Variants in AGBL4 observed in about 807,000 individuals in gnomAD.
AGBL4 encodes AGBL carboxypeptidase 4.
A neutral mutation model predicts 66.4 loss-of-function variants in AGBL4; 58 were observed. That is an observed-to-expected ratio of 0.87 (90% CI 0.71 to 1.09). The LOEUF (loss-of-function observed/expected upper bound fraction) is 1.09, where lower values mean the gene tolerates loss of function less well. AGBL4 is among the 50% of genes least tolerant of loss of function. The pLI is 0.00. For synonymous variants in AGBL4, 234 were observed against 222.9 expected (o/e 1.05, Z -0.44); for missense variants, 579 against 631.0 (o/e 0.92, Z 0.88).
chr1:49,250,254 G>A (rs994941976), intron 3 of AGBL4, among the ~76,000 whole-genome samples: 1 of 152,098 alleles, frequency 6.6e-6, no homozygotes, highest in Non-Finnish European at 1.5e-5. Context: ...AGAAATGTTT[G>A]AGGGAGAGGG....
At chr1:48,524,899 T>G in the AGBL4 span, among the ~76,000 whole-genome samples, 1 of 151,690 alleles carries the variant, frequency 6.6e-6, no homozygotes, top group South Asian at 2.1e-4. Context: ...GCCTAAAGTC[T>G]CACAACTTCC....
chr1:48,857,366 A>AT (rs1647199901), intron 6 of AGBL4, among the ~76,000 whole-genome samples: 2 of 152,234 alleles, frequency 1.3e-5, no homozygotes, highest in African/African-American at 2.4e-5. Context: ...ATATAAACAC[A>AT]TTAACTCAAA....
intron 6 of AGBL4, among the ~76,000 whole-genome samples, chr1:48,807,202 T>C (rs1040681425): frequency 6.6e-6 from 1 of 152,240 alleles, no homozygotes; most frequent in African/African-American, 2.4e-5. Flanking sequence ...GCCCATTAGA[T>C]TGTGGTACCT....
intron 1 of AGBL4, among the ~76,000 whole-genome samples, chr1:49,934,054 G>A (rs554852412): frequency 6.6e-6 from 1 of 152,048 alleles, no homozygotes; most frequent in Non-Finnish European, 1.5e-5. Flanking sequence ...GGCTGAAAAT[G>A]AAGGCATAAA....
intron 6 of AGBL4, chr1:48,761,276 T>C (rs1644243321): frequency 2.7e-6 from 4 of 1,482,846 alleles, no homozygotes; most frequent in East Asian, 5.0e-5. Context: ...TGAAACTCTT[T>C]AGCTACGAGA....
intron 1 of AGBL4, among the ~76,000 whole-genome samples, chr1:49,880,848 G>C (rs563847340): frequency 6.6e-6 from 1 of 152,156 alleles, no homozygotes; most frequent in East Asian, 1.9e-4. Flanking sequence ...CCAGGTGTGG[G>C]ATATAGTCTC....
At chr1:48,915,340 T>C (rs1367279252) in intron 5 of AGBL4, among the ~76,000 whole-genome samples, 1 of 152,358 alleles carries the variant, frequency 6.6e-6, no homozygotes, top group East Asian at 1.9e-4. Flanking sequence ...CCAGCTCAAA[T>C]GCCACTGTCT....
intron 5 of AGBL4, among the ~76,000 whole-genome samples, chr1:48,876,535 T>G (rs1401775704): frequency 6.6e-6 from 1 of 152,118 alleles, no homozygotes; most frequent in African/African-American, 2.4e-5. Context: ...GTATTTCAAG[T>G]GACAGTAGGT....
chr1:48,915,807 G>A (rs1019938557), intron 5 of AGBL4, among the ~76,000 whole-genome samples: 5 of 152,114 alleles, frequency 3.3e-5, no homozygotes, highest in African/African-American at 1.2e-4. Flanking sequence ...CAAGAGGGAA[G>A]GTCTCCCAGG....
intron 3 of AGBL4, among the ~76,000 whole-genome samples, chr1:49,249,715 C>T (rs1651902967): frequency 6.6e-6 from 1 of 152,172 alleles, no homozygotes; most frequent in African/African-American, 2.4e-5. Context: ...AATCTCATCA[C>T]TGGGCATTTA....
chr1:49,540,254 T>C (rs1381860610), intron 3 of AGBL4, among the ~76,000 whole-genome samples: 1 of 152,240 alleles, frequency 6.6e-6, no homozygotes, highest in Admixed American at 6.5e-5. Context: ...AATCTTTAAA[T>C]ATATCTTATC....
chr1:48,812,192 T>A (rs1646067677), intron 6 of AGBL4, among the ~76,000 whole-genome samples: 1 of 152,166 alleles, frequency 6.6e-6, no homozygotes, highest in South Asian at 2.1e-4. Flanking sequence ...CCAAGAGGCA[T>A]ATTTCTCAAG....
intron 1 of AGBL4, among the ~76,000 whole-genome samples, chr1:49,916,157 A>T (rs1343632999): frequency 6.6e-6 from 1 of 152,188 alleles, no homozygotes; most frequent in Non-Finnish European, 1.5e-5. Context: ...AAAAGCTGAA[A>T]ATTCTAAAAA....
At chr1:49,487,357 C>T (rs1466792446) in intron 3 of AGBL4, among the ~76,000 whole-genome samples, 1 of 151,904 alleles carries the variant, frequency 6.6e-6, no homozygotes, top group Admixed American at 6.6e-5. Context: ...AAGTTTTGCT[C>T]TGTGTCCCCA....
chr1:49,257,237 T>C (rs938235195), intron 3 of AGBL4, among the ~76,000 whole-genome samples: 14 of 152,224 alleles, frequency 9.2e-5, no homozygotes, highest in Non-Finnish European at 1.5e-4. Context: ...CAAAGGTTAC[T>C]GCTGTCTTTT....
intron 3 of AGBL4, among the ~76,000 whole-genome samples, chr1:49,618,593 G>C (rs1645295957): frequency 6.6e-6 from 1 of 152,166 alleles, no homozygotes; most frequent in Non-Finnish European, 1.5e-5. Flanking sequence ...TAGAAAAAGA[G>C]GGATTCCTCC....
At chr1:49,816,503 T>C (rs1176662753) in intron 2 of AGBL4, among the ~76,000 whole-genome samples, 1 of 152,140 alleles carries the variant, frequency 6.6e-6, no homozygotes, top group Non-Finnish European at 1.5e-5. Context: ...AAATGAAAAG[T>C]AGATATGAGT....
At chr1:49,402,857 G>A (rs1234914064) in intron 3 of AGBL4, among the ~76,000 whole-genome samples, 1 of 152,148 alleles carries the variant, frequency 6.6e-6, no homozygotes, top group Non-Finnish European at 1.5e-5. Flanking sequence ...ATGAGCCACT[G>A]CACCCAGCCA....
At chr1:48,629,985 C>T (rs889847719) in intron 9 of AGBL4, among the ~76,000 whole-genome samples, 2 of 152,192 alleles carry the variant, frequency 1.3e-5, no homozygotes, top group African/African-American at 4.8e-5. Context: ...ATCCTGAGCA[C>T]CTGCTTACAG....
Sources: gnomAD v4.1 joint callset for allele counts (sites outside exome capture counted in the v4.1 genomes callset) on GRCh38, gnomAD v4.1.1 for gene constraint, MANE v1.5 for transcripts, NCBI Gene and HGNC (gene_info 2026-07-23, HGNC 2026-07-21) for gene names.